Variants in MYO1H observed in about 807,000 individuals in gnomAD.
MYO1H encodes unconventional myosin-Ih.
MYO1H carries 118 observed loss-of-function variants against 149.3 expected under a neutral mutation model. That is an observed-to-expected ratio of 0.79 (90% CI 0.68 to 0.92). The LOEUF (loss-of-function observed/expected upper bound fraction) is 0.92. Among genes scored for constraint, MYO1H ranks in the 40% least tolerant of loss-of-function variants. The probability of loss-of-function intolerance (pLI) is 0.00; values close to 1 mark genes in which losing one functional copy is unlikely to be tolerated. For missense variants in MYO1H, 1,212 were observed against 1,280.7 expected (o/e 0.95, Z 0.82); for synonymous variants, 447 against 465.2 (o/e 0.96, Z 0.50).
chr12:109,447,139 G>T lies in MYO1H; in HGVS notation c.3094-20G>T, dbSNP rs148390785. 10 of 1,593,924 alleles carry T rather than the reference G, an allele frequency of 6.3e-6. No homozygotes were observed. The highest frequency in any genetic ancestry group is 8.6e-6 in the Non-Finnish European group (10 of 1,169,254). On this transcript the variant is annotated intron_variant, in intron 31 of 31. Coordinates refer to ENST00000310903, the Ensembl canonical transcript of MYO1H. The stretch of plus-strand genomic sequence containing the variant: ...AGGGAGCGGGGAAGGGCTGTAAACC[G>T]AAGTGTGACTCTCTCCCAGGTGTCA...
chr12:109,428,207 C>T (rs1219277166), intron 19 of MYO1H, among the ~76,000 whole-genome samples: 10 of 151,844 alleles, frequency 6.6e-5, no homozygotes, highest in Non-Finnish European at 1.5e-5. Context: ...AGATCTGCCA[C>T]CAGGGGGCAG....
intron 10 of MYO1H, among the ~76,000 whole-genome samples, chr12:109,408,876 A>G (rs1452166533): frequency 1.3e-5 from 2 of 151,962 alleles, no homozygotes; most frequent in African/African-American, 4.8e-5. Context: ...TGCAGCCTCC[A>G]CCTCTGGGGT....
intron 13 of MYO1H, among the ~76,000 whole-genome samples, chr12:109,410,987 C>T (rs536903978): frequency 6.6e-6 from 1 of 152,164 alleles, no homozygotes; most frequent in East Asian, 1.9e-4. Flanking sequence ...ACTAAAAATA[C>T]AAAAATTAGC....
chr12:109,362,759 GA>G (rs1298701180), intron 1 of MYO1H, among the ~76,000 whole-genome samples: 1 of 152,168 alleles, frequency 6.6e-6, no homozygotes, highest in Non-Finnish European at 1.5e-5. Flanking sequence ...AGACCCTCTG[GA>G]ATGAGGATCT....
At chr12:109,389,648 T>C (rs1869553671) in intron 2 of MYO1H, among the ~76,000 whole-genome samples, 1 of 152,316 alleles carries the variant, frequency 6.6e-6, no homozygotes, top group Admixed American at 6.5e-5. Context: ...AATTCCCATT[T>C]ATCACCATAC....
chr12:109,407,913 G>C (rs746781045), exon 10 of MYO1H: 2 of 1,613,924 alleles, frequency 1.2e-6, no homozygotes, highest in Non-Finnish European at 1.7e-6. Flanking sequence ...TAGTTAACAA[G>C]GTTGGTCAAC....
At chr12:109,354,773 T>C (rs932122597) in intron 1 of MYO1H, among the ~76,000 whole-genome samples, 2 of 152,210 alleles carry the variant, frequency 1.3e-5, no homozygotes, top group Admixed American at 1.3e-4. Flanking sequence ...TATATTTTGC[T>C]TTTTATTTAA....
chr12:109,439,777 G>T lies in MYO1H; in HGVS notation c.2441G>T (p.Gly814Val). Residue 814 changes from glycine (G) to valine (V), a missense_variant, in exon 24 of 32, where the codon GGC becomes GTC. Coordinates refer to ENST00000310903, the Ensembl canonical transcript of MYO1H. ...GACAAGAGCTGGCTGAGGCCTCCTG[G>T]CATCTTGGAAAATGTAAGGACTAAT... The T allele has an allele frequency of 1.9e-6, 3 of 1,613,742 alleles. No individual in the cohort carries two copies. In the South Asian group the frequency reaches 3.3e-5, roughly 18 times the overall value.
exon 18 of MYO1H, chr12:109,425,967 A>G: frequency 6.2e-7 from 1 of 1,613,724 alleles, no homozygotes; most frequent in Non-Finnish European, 8.5e-7. Context: ...GTTTAAAAAC[A>G]GTCTGAGCAG....
chr12:109,436,376 C>A (rs1871858000), intron 21 of MYO1H, 112 bp from the exon 22 acceptor site: 1 of 731,450 alleles, frequency 1.4e-6, no homozygotes, highest in Admixed American at 2.2e-5. Context: ...CATCACTACA[C>A]CACAGGACTT....
intron 15 of MYO1H, among the ~76,000 whole-genome samples, chr12:109,419,669 C>A (rs1871086163): frequency 6.6e-6 from 1 of 151,922 alleles, no homozygotes; most frequent in South Asian, 2.1e-4. Flanking sequence ...TACCTCAGCT[C>A]CCCAAGTAGC....
At chr12:109,377,559 A>G (rs746640908) in intron 1 of MYO1H, among the ~76,000 whole-genome samples, 8 of 152,212 alleles carry the variant, frequency 5.3e-5, no homozygotes, top group Non-Finnish European at 1.0e-4. Context: ...TCAGGTTTCA[A>G]CATGAGACTT....
At chr12:109,318,986 T>C in the MYO1H span, among the ~76,000 whole-genome samples, 1 of 146,642 alleles carries the variant, frequency 6.8e-6, no homozygotes, top group East Asian at 2.0e-4. Context: ...TTTTTTTTTT[T>C]TTTTTTTTGC....
At chr12:109,352,637 A>G (rs1386229347) in intron 1 of MYO1H, among the ~76,000 whole-genome samples, 1 of 152,194 alleles carries the variant, frequency 6.6e-6, no homozygotes, top group Non-Finnish European at 1.5e-5. Context: ...TACAGAAAAG[A>G]AGAAATTGTA....
intron 16 of MYO1H, among the ~76,000 whole-genome samples, chr12:109,423,987 C>T (rs1016178271): frequency 1.3e-5 from 2 of 152,232 alleles, no homozygotes; most frequent in African/African-American, 2.4e-5. Context: ...GCAAGTCTCT[C>T]GCCCGAGAGT....
At chr12:109,418,409 C>T (rs111762704) in intron 15 of MYO1H, among the ~76,000 whole-genome samples, 17,657 of 151,720 alleles carry the variant, frequency 0.12, 1,449 homozygotes, top group African/African-American at 0.23. Context: ...AGTGCAGTGG[C>T]GTGATCTTGG....
chr12:109,421,625 A>G (rs1871177766), intron 16 of MYO1H, among the ~76,000 whole-genome samples: 2 of 151,856 alleles, frequency 1.3e-5, no homozygotes, highest in South Asian at 4.2e-4. Context: ...GGAAGTAGAG[A>G]TTTCATTCTG....
At chr12:109,433,340 C>T (rs1871721448) in intron 20 of MYO1H, among the ~76,000 whole-genome samples, 2 of 152,206 alleles carry the variant, frequency 1.3e-5, no homozygotes, top group Non-Finnish European at 2.9e-5. Flanking sequence ...CCCATGTACG[C>T]ATGACCTGCC....
intron 9 of MYO1H, among the ~76,000 whole-genome samples, chr12:109,407,431 G>T (rs1350996962): frequency 6.8e-6 from 1 of 146,768 alleles, no homozygotes; most frequent in East Asian, 2.0e-4. Context: ...CCAAAGACAA[G>T]AGTAGCATCT....
Sources: allele counts gnomAD v4.1 joint callset (sites outside exome capture counted in the v4.1 genomes callset), GRCh38; gene constraint gnomAD v4.1.1; transcripts MANE v1.5; gene names NCBI Gene and HGNC (gene_info 2026-07-23, HGNC 2026-07-21).